The following QKI variants were observed in gnomAD, a reference collection of about 807,000 sequenced individuals.
The protein encoded by QKI is KH domain-containing RNA-binding protein QKI.
A neutral mutation model predicts 39.0 loss-of-function variants in QKI; 10 were observed. The observed-to-expected ratio is 0.26, with a 90% CI of 0.16 to 0.43. The LOEUF is 0.43. Ranked by LOEUF, QKI falls within the 20% of genes least tolerant of loss-of-function variation. The probability of loss-of-function intolerance (pLI) is 1.00; values close to 1 mark genes in which losing one functional copy is unlikely to be tolerated. For synonymous variants in QKI, 204 were observed against 155.4 expected (o/e 1.31, Z -2.33); for missense variants, 218 against 428.0 (o/e 0.51, Z 4.33).
intron 2 of QKI, among the ~76,000 whole-genome samples, chr6:163,475,372 A>G (rs1792506436): frequency 6.6e-6 from 1 of 152,232 alleles, no homozygotes; most frequent in Admixed American, 6.5e-5. Flanking sequence ...GCAATGCAGC[A>G]TAACAGTGAT....
chr6:163,517,453 T>G (rs1179084766), intron 3 of QKI, among the ~76,000 whole-genome samples: 1 of 152,188 alleles, frequency 6.6e-6, no homozygotes, highest in African/African-American at 2.4e-5. Flanking sequence ...CTCTAGCTCT[T>G]TTGGCTCAGG....
chr6:163,458,259 T>A (rs1323206081), intron 2 of QKI, among the ~76,000 whole-genome samples: 4 of 152,226 alleles, frequency 2.6e-5, no homozygotes, highest in Non-Finnish European at 5.9e-5. Context: ...TACTTTTCAT[T>A]CCTGGTGTTC....
chr6:163,538,689 G>A (rs1781342860), intron 4 of QKI, among the ~76,000 whole-genome samples: 1 of 152,226 alleles, frequency 6.6e-6, no homozygotes, highest in Admixed American at 6.5e-5. Context: ...TTTGAGGGCA[G>A]TGGGGAAAGC....
intron 1 of QKI, chr6:163,423,121 C>T (rs1788121006): frequency 6.6e-6 from 1 of 152,082 alleles, no homozygotes; most frequent in African/African-American, 2.4e-5. Flanking sequence ...TATGGTGAAA[C>T]CCTGTCTCTG....
chr6:163,477,242 C>T (rs1422390575), intron 2 of QKI, among the ~76,000 whole-genome samples: 1 of 152,118 alleles, frequency 6.6e-6, no homozygotes, highest in Non-Finnish European at 1.5e-5. Context: ...TCTTGAACGC[C>T]TGTCCTCAAG....
intron 4 of QKI, among the ~76,000 whole-genome samples, chr6:163,557,268 T>G (rs1782686413): frequency 6.6e-6 from 1 of 152,096 alleles, no homozygotes; most frequent in South Asian, 2.1e-4. Flanking sequence ...TTAAATCAGA[T>G]GGATGGTTAG....
At chr6:163,470,169 G>T (rs1364618065) in intron 2 of QKI, among the ~76,000 whole-genome samples, 1 of 152,124 alleles carries the variant, frequency 6.6e-6, no homozygotes, top group East Asian at 1.9e-4. Context: ...GAGCACGTTT[G>T]CAGAATCTGG....
At chr6:163,562,495 T>C (rs990131187) in intron 5 of QKI, among the ~76,000 whole-genome samples, 2 of 152,216 alleles carry the variant, frequency 1.3e-5, no homozygotes, top group African/African-American at 4.8e-5. Flanking sequence ...CCTTTCACTT[T>C]GCTTGCATGT....
chr6:163,502,259 A>G (rs1049873787), intron 3 of QKI, among the ~76,000 whole-genome samples: 5 of 152,048 alleles, frequency 3.3e-5, no homozygotes, highest in African/African-American at 7.2e-5. Flanking sequence ...GGAGGTGGAG[A>G]TAGCAATGAG....
chr6:163,424,038 G>C (rs530949747), intron 1 of QKI, among the ~76,000 whole-genome samples: 24 of 152,332 alleles, frequency 1.6e-4, no homozygotes, highest in African/African-American at 5.8e-4. Flanking sequence ...ATAGCCACCA[G>C]GTAGCTACTA....
At chr6:163,483,427 T>C (rs1165193099) in intron 3 of QKI, among the ~76,000 whole-genome samples, 1 of 152,246 alleles carries the variant, frequency 6.6e-6, no homozygotes, top group East Asian at 1.9e-4. Flanking sequence ...CAGTGCTTTT[T>C]GATAGCATTT....
chr6:163,521,894 T>G (rs1303625263), intron 3 of QKI, among the ~76,000 whole-genome samples: 2 of 152,178 alleles, frequency 1.3e-5, no homozygotes, highest in African/African-American at 4.8e-5. Flanking sequence ...TTTTGAGGCT[T>G]CTTAATTGAG....
At position 163,414,942 on chromosome 6, in the gene QKI, G is replaced by A; in HGVS notation, c.-252G>A. The A allele has an allele frequency of 6.2e-6, 1 of 161,000 alleles. No individual in the cohort carries two copies. Among genetic ancestry groups the A allele is most frequent in the Non-Finnish European group, 1.3e-5 (1 of 79,342 alleles). 10.0% of individuals were successfully genotyped at this position (161,000 alleles called of 1,614,324 possible). A position where few individuals can be genotyped will look rare whatever the true frequency, so the allele number is the denominator to read the frequency against. On this transcript the variant is annotated 5_prime_UTR_variant, in exon 1 of 8. Transcript: ENST00000361752. ...CCCGCCCGCCGGCCTCGTGAGGGAC[G>A]CGCCGAGCCGGGCGGCCGAGAGCGG...
chr6:163,566,141 A>G lies in QKI; in HGVS notation c.935-580A>G, dbSNP rs1256549262. 24 of 1,411,030 alleles carry G rather than the reference A, an allele frequency of 1.7e-5. No individual in the cohort carries two copies. In the East Asian group the frequency reaches 5.7e-4, roughly 33 times the overall value. 87.4% of individuals were successfully genotyped at this position (1,411,030 alleles called of 1,614,324 possible). The stretch of plus-strand genomic sequence containing the variant: ...TGTTATTAATTTGGTTTAGTCTGTA[A>G]TATTACACAGTAATGGTAATTTATA... On this transcript the variant is annotated intron_variant, in intron 6 of 7. Transcript: ENST00000361752.
intron 1 of QKI, among the ~76,000 whole-genome samples, chr6:163,421,183 A>T (rs917663295): frequency 6.6e-6 from 1 of 152,232 alleles, no homozygotes; most frequent in South Asian, 2.1e-4. Flanking sequence ...AAAGGCACTT[A>T]TATGTTTTCT....
intron 4 of QKI, among the ~76,000 whole-genome samples, chr6:163,535,933 A>G: frequency 6.6e-6 from 1 of 152,152 alleles, no homozygotes; most frequent in Non-Finnish European, 1.5e-5. Flanking sequence ...CCCTGTCTCA[A>G]AAAAGAAAAG....
At chr6:163,459,767 G>A (rs2128220355) in intron 2 of QKI, among the ~76,000 whole-genome samples, 1 of 152,286 alleles carries the variant, frequency 6.6e-6, no homozygotes, top group East Asian at 1.9e-4. Context: ...TGTTCTTGAA[G>A]GAGTTCAGTC....
chr6:163,503,147 T>A (rs893377108), intron 3 of QKI, among the ~76,000 whole-genome samples: 88 of 148,228 alleles, frequency 5.9e-4, no homozygotes, highest in African/African-American at 2.1e-3. Flanking sequence ...ATTTTTTTTT[T>A]TTTTTTTTTT....
rs559705005 is a variant in QKI, at chr6:163,551,163, A to G, written c.547-10819A>G. Among the ~76,000 whole-genome samples the G allele has an allele frequency of 2.0e-5, 3 of 152,308 alleles. No homozygotes were observed. The East Asian group carries it at 5.8e-4, about 29-fold the overall frequency. On this transcript the variant is annotated intron_variant, in intron 4 of 7. Transcript: ENST00000361752. The stretch of plus-strand genomic sequence containing the variant: ...CAGTTTCTCCTACTATACTCTCACA[A>G]CACCGAGTGCTTCTGTGATCTATGG...
Sources: gnomAD v4.1 joint callset for allele counts (sites outside exome capture counted in the v4.1 genomes callset) on GRCh38, gnomAD v4.1.1 for gene constraint, MANE v1.5 for transcripts, NCBI Gene and HGNC (gene_info 2026-07-23, HGNC 2026-07-21) for gene names.